KCNQ5: variants seen among roughly 807,000 people sequenced by gnomAD.
KCNQ5 encodes potassium voltage-gated channel subfamily Q member 5.
In KCNQ5, 30 loss-of-function variants were observed where a neutral mutation model predicts 98.2. That is an observed-to-expected ratio of 0.31 (90% CI 0.23 to 0.41). The LOEUF is 0.41. Ranked by LOEUF, KCNQ5 falls within the 10% of genes least tolerant of loss-of-function variation. The pLI, the probability that KCNQ5 is intolerant of heterozygous loss-of-function variation, is 1.00. For missense variants in KCNQ5, 835 were observed against 1,182.5 expected (o/e 0.71, Z 4.31); for synonymous variants, 458 against 449.4 (o/e 1.02, Z -0.24).
At chr6:72,730,444 T>C (rs762058214) in intron 1 of KCNQ5, among the ~76,000 whole-genome samples, 13 of 152,170 alleles carry the variant, frequency 8.5e-5, no homozygotes, top group Admixed American at 6.5e-5. Flanking sequence ...ATTCTAGTAC[T>C]TTTGTTATTT....
chr6:73,067,222 A>AT (rs1163086609), intron 3 of KCNQ5, among the ~76,000 whole-genome samples: 1 of 152,152 alleles, frequency 6.6e-6, no homozygotes, highest in East Asian at 1.9e-4. Context: ...ACGGGAAAAA[A>AT]ATATATAAGT....
intron 1 of KCNQ5, among the ~76,000 whole-genome samples, chr6:72,807,899 T>G (rs1203893385): frequency 6.6e-6 from 1 of 152,156 alleles, no homozygotes; most frequent in Non-Finnish European, 1.5e-5. Context: ...CGCAAATCCC[T>G]ACAGAGCAAA....
At chr6:73,082,865 G>A (rs1434994363) in intron 5 of KCNQ5, among the ~76,000 whole-genome samples, 1 of 147,992 alleles carries the variant, frequency 6.8e-6, no homozygotes, top group East Asian at 2.0e-4. Flanking sequence ...CTTGCAAAGA[G>A]TCAGCATGTT....
chr6:72,660,550 C>T (rs531107934), intron 1 of KCNQ5, among the ~76,000 whole-genome samples: 105 of 152,324 alleles, frequency 6.9e-4, no homozygotes, highest in African/African-American at 2.5e-3. Context: ...GTTAGCAGTA[C>T]ACTGAGTAAA....
chr6:73,082,518 GA>G (rs1002415845), intron 5 of KCNQ5, among the ~76,000 whole-genome samples: 7 of 151,728 alleles, frequency 4.6e-5, no homozygotes, highest in Non-Finnish European at 5.9e-5. Context: ...CTGGAATGAG[GA>G]AAAAAAATGG....
At chr6:72,927,693 C>A (rs900806678) in intron 1 of KCNQ5, among the ~76,000 whole-genome samples, 3 of 152,046 alleles carry the variant, frequency 2.0e-5, no homozygotes, top group Admixed American at 1.3e-4. Context: ...CTGTATTTTT[C>A]TTTAACATTA....
intron 1 of KCNQ5, among the ~76,000 whole-genome samples, chr6:72,984,015 T>C (rs1486952761): frequency 6.6e-6 from 1 of 152,204 alleles, no homozygotes; most frequent in Non-Finnish European, 1.5e-5. Context: ...GTGTCACCAG[T>C]GGAGGCTGCA....
chr6:73,035,207 T>C (rs1464963115), intron 2 of KCNQ5, among the ~76,000 whole-genome samples: 5 of 152,190 alleles, frequency 3.3e-5, no homozygotes, highest in South Asian at 2.1e-4. Flanking sequence ...AATTCTTCTA[T>C]GTTTTACCAA....
At chr6:72,928,479 T>C (rs982490112) in intron 1 of KCNQ5, among the ~76,000 whole-genome samples, 54 of 152,078 alleles carry the variant, frequency 3.6e-4, no homozygotes, top group African/African-American at 1.3e-3. Context: ...TAAATAATTT[T>C]CTATTAGTCT....
intron 1 of KCNQ5, among the ~76,000 whole-genome samples, chr6:72,657,758 A>G (rs148272831): frequency 7.7e-4 from 118 of 152,324 alleles, no homozygotes; most frequent in African/African-American, 2.7e-3. Context: ...TATTTGTCGA[A>G]CTTGTATAAT....
intron 2 of KCNQ5, among the ~76,000 whole-genome samples, chr6:73,033,780 C>A (rs1159118877): frequency 1.3e-5 from 2 of 151,808 alleles, no homozygotes; most frequent in East Asian, 3.9e-4. Flanking sequence ...TTCTGTCACG[C>A]TCTCACAACC....
intron 7 of KCNQ5, among the ~76,000 whole-genome samples, chr6:73,116,027 G>A (rs1775475511): frequency 6.6e-6 from 1 of 152,144 alleles, no homozygotes. Flanking sequence ...GAATTTTATA[G>A]TTCTGTTGGA....
intron 1 of KCNQ5, among the ~76,000 whole-genome samples, chr6:72,744,758 C>G (rs1008673023): frequency 1.3e-5 from 2 of 151,648 alleles, no homozygotes; most frequent in Non-Finnish European, 2.9e-5. Flanking sequence ...TTGCAGTGAG[C>G]CAAGATCGTT....
In KCNQ5 at chr6:73,111,301, G is replaced by T; in HGVS notation, c.1030-7G>T. On this transcript the variant is annotated splice_region_variant and splice_polypyrimidine_tract_variant and intron_variant, in intron 6 of 13. Coordinates refer to ENST00000370398, the MANE Select transcript of KCNQ5 (RefSeq NM_019842.4). The stretch of plus-strand genomic sequence containing the variant: ...TTTTTGAGTGCCATTTTTGTATTTT[G>T]TTCCAGGGCATTCTTGGCTCAGGTT... The T allele has an allele frequency of 6.2e-7, 1 of 1,603,246 alleles. No individual in the cohort carries two copies. Among genetic ancestry groups the T allele is most frequent in the Non-Finnish European group, 8.5e-7 (1 of 1,174,364 alleles).
intron 2 of KCNQ5, among the ~76,000 whole-genome samples, chr6:73,029,904 CAAAAA>C (rs56804434): frequency 3.8e-5 from 3 of 78,656 alleles, no homozygotes; most frequent in South Asian, 1.2e-3. Flanking sequence ...GACTCCGTCT[CAAAAA>C]AAAAAAAAAA....
intron 10 of KCNQ5, among the ~76,000 whole-genome samples, chr6:73,158,743 C>G (rs762729686): frequency 1.3e-5 from 2 of 152,138 alleles, no homozygotes; most frequent in Non-Finnish European, 2.9e-5. Flanking sequence ...ATATTCTCTT[C>G]TAGCTACTTT....
At chr6:73,145,013 G>A (rs570379125) in intron 10 of KCNQ5, among the ~76,000 whole-genome samples, 59 of 152,302 alleles carry the variant, frequency 3.9e-4, no homozygotes, top group Non-Finnish European at 6.0e-4. Context: ...AAGTGTCGTG[G>A]CCAGTATTGC....
rs1046313493 is a variant in KCNQ5 at position 72,673,549 on chromosome 6, C to A, written c.398+50962C>A. ...AAGAGGTAGACTAGGAAGAGAGGGG[C>A]AAAGGGAAGGAGTCTGGAGTGTAGG... On this transcript the variant is annotated intron_variant, in intron 1 of 13. Transcript: ENST00000370398. Among the ~76,000 whole-genome samples, 7 of 151,924 alleles carry A rather than the reference C, an allele frequency of 4.6e-5. No individual in the cohort carries two copies. The South Asian group carries it at 1.0e-3, about 23-fold the overall frequency.
At chr6:73,118,589 G>A (rs545296851) in intron 7 of KCNQ5, among the ~76,000 whole-genome samples, 36 of 152,308 alleles carry the variant, frequency 2.4e-4, no homozygotes, top group Non-Finnish European at 3.8e-4. Context: ...AAGTAGTTGT[G>A]TGAATTTTTA....
Sources: gnomAD v4.1 joint callset for allele counts (sites outside exome capture counted in the v4.1 genomes callset) on GRCh38, gnomAD v4.1.1 for gene constraint, MANE v1.5 for transcripts, NCBI Gene and HGNC (gene_info 2026-07-23, HGNC 2026-07-21) for gene names.